Variants in HDGFL3 observed in about 807,000 individuals in gnomAD.
The protein encoded by HDGFL3 is HDGF like 3.
In HDGFL3, 6 loss-of-function variants were observed where a neutral mutation model predicts 27.6. The observed-to-expected ratio is 0.22, with a 90% confidence interval of 0.12 to 0.43. The LOEUF (loss-of-function observed/expected upper bound fraction) is 0.43. HDGFL3 is among the 20% of genes least tolerant of loss of function. HDGFL3 has a pLI of 1.00. For synonymous variants in HDGFL3, 88 were observed against 88.9 expected, an observed-to-expected ratio of 0.99 and a Z score of 0.05; for missense variants, 207 against 250.1, an observed-to-expected ratio of 0.83 and a Z score of 1.16.
chr15:83,168,738 C>T (rs1247475954), intron 1 of HDGFL3, among the ~76,000 whole-genome samples: 1 of 152,144 alleles, frequency 6.6e-6, no homozygotes, highest in Non-Finnish European at 1.5e-5. Flanking sequence ...GAAACTATCA[C>T]AGAAATTGAG....
chr15:83,144,434 T>A, intron 5 of HDGFL3: 1 of 456,174 alleles, frequency 2.2e-6, no homozygotes, highest in South Asian at 1.5e-5. Flanking sequence ...AGTGATGGGA[T>A]GTCACTTCTG....
At chr15:83,196,009 T>A (rs1020765421) in intron 1 of HDGFL3, among the ~76,000 whole-genome samples, 1 of 151,954 alleles carries the variant, frequency 6.6e-6, no homozygotes, top group African/African-American at 2.4e-5. Flanking sequence ...AAGTTACAAG[T>A]TATACACATT....
intron 3 of HDGFL3, chr15:83,115,895 G>T: frequency 1.2e-6 from 2 of 1,614,146 alleles, no homozygotes; most frequent in South Asian, 1.1e-5. Flanking sequence ...CATAGGACTG[G>T]AGCAAGATGG....
At chr15:83,159,615 A>C (rs2037073205) in intron 2 of HDGFL3, among the ~76,000 whole-genome samples, 1 of 152,174 alleles carries the variant, frequency 6.6e-6, no homozygotes, top group African/African-American at 2.4e-5. Flanking sequence ...ATAATTATAG[A>C]TATACAGATC....
chr15:83,141,305 G>A (rs1012745476), intron 5 of HDGFL3, among the ~76,000 whole-genome samples: 5 of 152,128 alleles, frequency 3.3e-5, no homozygotes, highest in African/African-American at 4.8e-5. Flanking sequence ...GGCACACTGA[G>A]AGGCTATAGG....
intron 1 of HDGFL3, among the ~76,000 whole-genome samples, chr15:83,181,490 T>G (rs2037380809): frequency 1.3e-5 from 2 of 152,232 alleles, no homozygotes; most frequent in African/African-American, 4.8e-5. Flanking sequence ...GTCACTTTTT[T>G]TTTGAGATGG....
chr15:83,199,100 TTCA>T (rs1258476435), intron 1 of HDGFL3, among the ~76,000 whole-genome samples: 1 of 152,220 alleles, frequency 6.6e-6, no homozygotes, highest in East Asian at 1.9e-4. Context: ...AATTATTGAC[TTCA>T]TCATCATGTA....
At chr15:83,117,446 T>G (rs985940391) in intron 3 of HDGFL3, among the ~76,000 whole-genome samples, 3 of 152,074 alleles carry the variant, frequency 2.0e-5, no homozygotes, top group African/African-American at 7.2e-5. Context: ...AGAAAAGGGC[T>G]GAGCTTGGGA....
At chr15:83,124,444 C>T (rs887070906), downstream of HDGFL3, among the ~76,000 whole-genome samples, 2 of 152,094 alleles carry the variant, frequency 1.3e-5, no homozygotes, top group Non-Finnish European at 2.9e-5. Flanking sequence ...CATAGAGCTA[C>T]AAGAGCCCTT....
downstream of HDGFL3, chr15:83,126,949 T>C (rs1485427874): frequency 4.6e-6 from 4 of 874,126 alleles, no homozygotes; most frequent in African/African-American, 5.1e-5. Context: ...TCCCAGCACT[T>C]TGGGAGGCCG....
rs369478155 is a variant in HDGFL3, at chr15:83,173,939, C to T, written c.85-9864G>A. Reference sequence around the variant, plus strand: ...ACATACGGCAACAGCCTGAGGATTACAGTACCATCCCAAAGTCATCTTTGA... The same window carrying T: ...ACATACGGCAACAGCCTGAGGATTATAGTACCATCCCAAAGTCATCTTTGA... On this transcript the variant is annotated intron_variant, in intron 1 of 5. Transcript: ENST00000299633. Among the ~76,000 whole-genome samples, 23 of 152,350 alleles carry T rather than the reference C, an allele frequency of 1.5e-4. 1 individual carries two copies. Among genetic ancestry groups the T allele is most frequent in the Admixed American group, 1.0e-3 (16 of 15,310 alleles).
rs138146108 is a variant in HDGFL3 at position 83,162,585 on chromosome 15, A to G, written c.161+1414T>C. ...AACCTCTCTTAAGGAGGAAAACATGATCAGTTGCATAGTCCATAATGTCTA... is the reference window on the plus strand; with the variant it reads ...AACCTCTCTTAAGGAGGAAAACATGGTCAGTTGCATAGTCCATAATGTCTA... On this transcript the variant is annotated intron_variant, in intron 2 of 5. Coordinates refer to ENST00000299633, the MANE Select transcript of HDGFL3 (RefSeq NM_016073.4). Among the ~76,000 whole-genome samples the G allele has an allele frequency of 5.2e-3, 787 of 152,334 alleles. 5 individuals are homozygous for G. The highest frequency in any genetic ancestry group is 0.01 in the Middle Eastern group (3 of 294).
chr15:83,202,077 T>C lies in HDGFL3; in HGVS notation c.84+5254A>G, dbSNP rs114395900. 5.0e-3 allele frequency among the ~76,000 whole-genome samples: 764 copies of C among 152,256 alleles called. 5 individuals carry two copies. The highest frequency in any genetic ancestry group is 0.02 in the Middle Eastern group (6 of 294). On this transcript the variant is annotated intron_variant, in intron 1 of 5. Transcript: ENST00000299633. ...AATTTATCACCTTCTTAGTAGATCATTGTCAAATGCAAAAAACCTGAAAGT... is the reference window on the plus strand; with the variant it reads ...AATTTATCACCTTCTTAGTAGATCACTGTCAAATGCAAAAAACCTGAAAGT...
intron 1 of HDGFL3, among the ~76,000 whole-genome samples, chr15:83,190,811 T>C (rs1198252557): frequency 6.6e-6 from 1 of 152,232 alleles, no homozygotes; most frequent in Non-Finnish European, 1.5e-5. Flanking sequence ...TGGCTAGTTC[T>C]TTCTATGTCT....
At chr15:83,154,265 G>T (rs2037000920) in intron 4 of HDGFL3, among the ~76,000 whole-genome samples, 2 of 151,860 alleles carry the variant, frequency 1.3e-5, no homozygotes, top group Non-Finnish European at 2.9e-5. Flanking sequence ...GAGCCCAGGG[G>T]GCAGAGGTTG....
rs949999563 is a variant in HDGFL3, at chr15:83,132,230, A to G, written c.*7040T>C. On this transcript the variant is annotated 3_prime_UTR_variant, in exon 6 of 6. Transcript: ENST00000299633. Reference sequence around the variant, plus strand: ...CCTTTGTTGCTACTATTACTGGTAGAAGATTCCCAGTAAGAATTTGGAGAT... The same window carrying G: ...CCTTTGTTGCTACTATTACTGGTAGGAGATTCCCAGTAAGAATTTGGAGAT... The G allele has an allele frequency of 6.6e-6, 1 of 152,268 alleles. No homozygotes were observed. The highest frequency in any genetic ancestry group is 2.4e-5 in the African/African-American group (1 of 41,464). The allele number at this position is 152,268 out of a possible 1,614,324, so 9.4% of individuals were successfully genotyped here.
In HDGFL3 at chr15:83,112,963, T is replaced by G. The variant is rs2034325133; in HGVS notation, c.*2746A>C. On this transcript the variant is annotated 3_prime_UTR_variant, in exon 4 of 4. Coordinates refer to the HDGFL3 transcript ENST00000568294. ...AATAACACAATACTTTCAGCCTCAG[T>G]CACATATTCCTCCTTGGTTGTGAAT... The G allele has an allele frequency of 3.8e-6, 5 of 1,328,532 alleles. No individual in the cohort carries two copies. The Admixed American group carries it at 8.4e-5, about 22-fold the overall frequency. The allele number at this position is 1,328,532 out of a possible 1,614,324, so 82.3% of individuals were successfully genotyped here. A position where few individuals can be genotyped will look rare whatever the true frequency, so the allele number is the denominator to read the frequency against.
rs952427841 is a variant in HDGFL3 at position 83,160,480 on chromosome 15, T to C, written c.162-2439A>G. ...GATTACAGCCATGAGCCACCACACCTGGCCATCTCCAAGGTTTTGGACTGA... is the reference window on the plus strand; with the variant it reads ...GATTACAGCCATGAGCCACCACACCCGGCCATCTCCAAGGTTTTGGACTGA... On this transcript the variant is annotated intron_variant, in intron 2 of 5. Transcript: ENST00000299633. 2.7e-5 allele frequency among the ~76,000 whole-genome samples: 4 copies of C among 149,422 alleles called. No homozygotes were observed. The Admixed American group carries it at 2.7e-4, about 10-fold the overall frequency.
At chr15:83,122,898 A>C, downstream of HDGFL3, 1 of 1,613,396 alleles carries the variant, frequency 6.2e-7, no homozygotes, top group Non-Finnish European at 8.5e-7. Flanking sequence ...TTAAGCTTTG[A>C]TGTACCCTGT....
Sources: gnomAD v4.1 joint callset for allele counts (sites outside exome capture counted in the v4.1 genomes callset) on GRCh38, gnomAD v4.1.1 for gene constraint, MANE v1.5 for transcripts, NCBI Gene and HGNC (gene_info 2026-07-23, HGNC 2026-07-21) for gene names.